Variants in GABRE observed in about 807,000 individuals in gnomAD.
The protein encoded by GABRE is gamma-aminobutyric acid receptor subunit epsilon.
GABRE carries 20 observed loss-of-function variants against 31.0 expected under a neutral mutation model. The ratio of observed to expected loss-of-function variants is 0.64; its 90% CI spans 0.45 to 0.94. GABRE has a LOEUF of 0.94. Ranked by LOEUF, GABRE falls within the 40% of genes least tolerant of loss-of-function variation. The probability of loss-of-function intolerance (pLI) is 0.00; values close to 1 mark genes in which losing one functional copy is unlikely to be tolerated. For missense variants in GABRE, 420 were observed against 410.7 expected, an observed-to-expected ratio of 1.02 and a Z score of -0.20; for synonymous variants, 155 against 150.6, an observed-to-expected ratio of 1.03 and a Z score of -0.21.
chrX:151,961,214 T>C (rs1934357402), intron 5 of GABRE, 69 bp downstream of exon 5: 2 of 722,397 alleles, frequency 2.8e-6, no homozygotes, highest in South Asian at 2.4e-5. Flanking sequence ...AAAATGTAAA[T>C]GGCAAGGATG....
rs1253858414 is a variant in GABRE, at chrX:151,954,937, G to A, written c.1285C>T (p.Pro429Ser). The A allele has an allele frequency of 8.3e-7, 1 of 1,207,579 alleles. No individual in the cohort carries two copies. The highest frequency in any genetic ancestry group is 1.8e-5 in the African/African-American group (1 of 57,060). Residue 429 changes from proline to serine, a missense_variant, in exon 9 of 9, where the codon CCT (proline) becomes TCT (serine). Physicochemically the swap from Pro to Ser is moderately conservative, Grantham distance 74. Coordinates refer to ENST00000370328, the MANE Select transcript of GABRE (RefSeq NM_004961.4). ...GGACCCTCAGGGCTACCTGGGCTAGGGGGCTGCTGGGCTGAGCAAGACGGG... is the reference window on the plus strand; with the variant it reads ...GGACCCTCAGGGCTACCTGGGCTAGAGGGCTGCTGGGCTGAGCAAGACGGG... ...ERPSCSAQQP[P>S]SPGSPEGPRS...
chrX:151,955,426 A>G lies in GABRE; in HGVS notation c.1079T>C (p.Val360Ala), dbSNP rs751257441. Residue 360 changes from valine to alanine, a missense_variant, in exon 8 of 9, where the codon GTG becomes GCG. Coordinates refer to ENST00000370328, the MANE Select transcript of GABRE (RefSeq NM_004961.4). ...CTGGTTGTAGATCAGGAAGTTGAGCACAGCAAACTCCAACAGAGCGCAGAA... is the reference window on the plus strand; with the variant it reads ...CTGGTTGTAGATCAGGAAGTTGAGCGCAGCAAACTCCAACAGAGCGCAGAA... ...FCFCALLEFA[V>A]LNFLIYNQTK... is the part of the protein sequence containing the mutation. 8.3e-7 allele frequency: 1 copy of G among 1,210,668 alleles called. No individual in the cohort carries two copies. The highest frequency in any genetic ancestry group is 1.1e-6 in the Non-Finnish European group (1 of 895,414).
intron 1 of GABRE, 156 bp from the exon 2 acceptor site, chrX:151,970,558 A>T (rs1934663037): frequency 1.5e-5 from 9 of 588,027 alleles, no homozygotes; most frequent in Non-Finnish European, 2.0e-5. Context: ...GTGACAGATT[A>T]GGCTTGTGAA....
At chrX:151,956,623 C>G (rs1486556045) in intron 6 of GABRE, 1 of 112,426 alleles carries the variant, frequency 8.9e-6, no homozygotes, top group Non-Finnish European at 1.9e-5. Context: ...ACCCTGGACT[C>G]TTTGGTCTTA....
intron 1 of GABRE, chrX:151,972,280 T>C (rs1934730473): frequency 1.3e-6 from 1 of 754,158 alleles, no homozygotes; most frequent in Non-Finnish European, 1.6e-6. Context: ...AGGGAAGAAC[T>C]GGGCTTGGAA....
intron 6 of GABRE, chrX:151,958,616 C>T (rs1230799794): frequency 2.6e-6 from 1 of 379,224 alleles, no homozygotes; most frequent in African/African-American, 2.6e-5. Flanking sequence ...TGAAACAATG[C>T]ACAATCATCT....
At chrX:151,962,352 G>T in intron 4 of GABRE, 71 bp downstream of exon 4, 1 of 949,737 alleles carries the variant, frequency 1.1e-6, no homozygotes, top group Non-Finnish European at 1.5e-6. Context: ...CTCTGCCCAT[G>T]GATCTTTAGC....
chrX:151,972,965 C>T (rs1016486895), intron 1 of GABRE, among the ~76,000 whole-genome samples: 3 of 110,790 alleles, frequency 2.7e-5, no homozygotes, highest in African/African-American at 6.6e-5. Flanking sequence ...TGCACTACCC[C>T]CTCCCAAACA....
chrX:151,967,747 G>A (rs755115006), intron 3 of GABRE, among the ~76,000 whole-genome samples: 1 of 112,422 alleles, frequency 8.9e-6, no homozygotes, highest in Admixed American at 9.4e-5. Flanking sequence ...TTAAAATGTA[G>A]ACAGAAACTC....
At chrX:151,962,170 T>C (rs1934401768) in intron 4 of GABRE, among the ~76,000 whole-genome samples, 1 of 112,152 alleles carries the variant, frequency 8.9e-6, no homozygotes, top group African/African-American at 3.2e-5. Flanking sequence ...GAGGGAGCTC[T>C]GGACTCGGAG....
intron 3 of GABRE, 22 bp from the exon 4 acceptor site, chrX:151,962,665 C>T (rs1448758983): frequency 8.8e-7 from 1 of 1,136,867 alleles, no homozygotes. Context: ...GACAGAAAAG[C>T]ACATACTTGG....
intron 1 of GABRE, chrX:151,972,527 C>T (rs1011694943): frequency 1.2e-5 from 9 of 751,738 alleles, no homozygotes; most frequent in Non-Finnish European, 1.4e-5. Context: ...GAAGCAGCCC[C>T]TCCCAGATGT....
rs1934074371 is a variant in GABRE at position 151,954,588 on chromosome X, G to A, written c.*113C>T. ...AGCTTCTGTTTGGGGAATGGGGCAG[G>A]AAAAACTCTAGTCGCTCCTGCTGCT... On this transcript the variant is annotated 3_prime_UTR_variant, in exon 9 of 9. Coordinates refer to ENST00000370328, the MANE Select transcript of GABRE (RefSeq NM_004961.4). 1 of 565,318 alleles carries A rather than the reference G, an allele frequency of 1.8e-6. No homozygotes were observed. The highest frequency in any genetic ancestry group is 4.1e-5 in the Admixed American group (1 of 24,603). 46.6% of individuals were successfully genotyped at this position (565,318 alleles called of 1,213,427 possible).
chrX:151,956,685 C>T (rs1375970505), intron 6 of GABRE: 2 of 112,164 alleles, frequency 1.8e-5, no homozygotes, highest in African/African-American at 6.5e-5. Context: ...GAAGAAAAAG[C>T]TTAAAATGAA....
chrX:151,962,633 A>C lies in GABRE; in HGVS notation c.353T>G (p.Ile118Ser). ...CCAGGTCTGGGAGAAGATGATGTCA[A>C]TGGTGTATTCCTGGTGGGAAGGACA... Reference protein sequence around the residue: ...PLSILDMEYTIDIIFSQTWYD... With the variant: ...PLSILDMEYTSDIIFSQTWYD... The change falls in exon 4 of 9, where the codon ATT becomes AGT. Residue 118 changes from isoleucine to serine, a missense_variant. Coordinates refer to ENST00000370328, the MANE Select transcript of GABRE (RefSeq NM_004961.4). The C allele has an allele frequency of 5.8e-6, 7 of 1,204,838 alleles. No homozygotes were observed. The highest frequency in any genetic ancestry group is 7.9e-6 in the Non-Finnish European group (7 of 889,311).
intron 6 of GABRE, chrX:151,959,621 G>A: frequency 1.9e-6 from 1 of 516,105 alleles, no homozygotes; most frequent in Non-Finnish European, 3.6e-6. Context: ...ACCTCTCAAG[G>A]AGCTTGGCAA....
chrX:151,964,369 T>G (rs1056459825), intron 3 of GABRE, among the ~76,000 whole-genome samples: 2 of 112,016 alleles, frequency 1.8e-5, no homozygotes, highest in Admixed American at 1.9e-4. Flanking sequence ...GATGGACCCT[T>G]TGGAATCCAC....
At position 151,960,733 on chromosome X, in the gene GABRE, G is replaced by A. The variant is rs148230187; in HGVS notation, c.646+550C>T. 7.7e-3 allele frequency among the ~76,000 whole-genome samples: 858 copies of A among 111,789 alleles called. 10 individuals carry two copies. Among genetic ancestry groups the A allele is most frequent in the African/African-American group, 0.026 (794 of 30,782 alleles). On this transcript the variant is annotated intron_variant, in intron 5 of 8. Transcript: ENST00000370328. ...CAGGCAGAATTAAATTAATGCAGGT[G>A]GAAGTCAAAGCTGTACAGGGTGCAG...
At position 151,959,341 on chromosome X, in the gene GABRE, T is replaced by C. The variant is rs761029726; in HGVS notation, c.784+498A>G. The C allele has an allele frequency of 1.4e-4, 34 of 242,449 alleles. 1 individual carries two copies. The highest frequency in any genetic ancestry group is 9.2e-4 in the African/African-American group (32 of 34,673). 20.0% of individuals were successfully genotyped at this position (242,449 alleles called of 1,213,427 possible). ...CTTGTTCCTTTAAGATAAATGTCAA[T>C]GCAGCAGCCAGTGTAGCTGCTGTAA... On this transcript the variant is annotated intron_variant, in intron 6 of 8. Coordinates refer to ENST00000370328, the MANE Select transcript of GABRE (RefSeq NM_004961.4).
Sources: allele counts gnomAD v4.1 joint callset (sites outside exome capture counted in the v4.1 genomes callset), GRCh38; gene constraint gnomAD v4.1.1; transcripts MANE v1.5; gene names NCBI Gene and HGNC (gene_info 2026-07-23, HGNC 2026-07-21).